METTL26: variants seen among roughly 807,000 people sequenced by gnomAD.
METTL26 encodes the protein methyltransferase-like 26.
Under a neutral mutation model 24.7 loss-of-function variants are expected in METTL26, and 28 were observed. The observed-to-expected ratio is 1.13, with a 90% CI of 0.84 to 1.55. The LOEUF is 1.55. Among genes scored for constraint, METTL26 ranks in the 40% most tolerant of loss-of-function variants. METTL26 has a pLI of 0.00. For synonymous variants in METTL26, 165 were observed against 125.2 expected (o/e 1.32, Z -2.12); for missense variants, 344 against 281.2 (o/e 1.22, Z -1.60).
chr16:635,216 C>T (rs2151089843), intron 3 of METTL26, 65 bp downstream of exon 3: 1 of 1,512,884 alleles, frequency 6.6e-7, no homozygotes, highest in East Asian at 2.4e-5. Context: ...GGAGGACTCT[C>T]AGCAGGGCAG....
chr16:635,251 G>A (rs768415781), intron 3 of METTL26, 30 bp downstream of exon 3: 51 of 1,551,102 alleles, frequency 3.3e-5, no homozygotes, highest in African/African-American at 1.6e-4. Flanking sequence ...GACTGGGAGC[G>A]GGAGGCCCGC....
In METTL26 at chr16:634,925, T is replaced by TG. The variant is rs780007832; in HGVS notation, c.451dup (p.Gln151ProfsTer7). ...CATCAGGTCAAAGTCCACGTTGCTCTGGGGGGAGATCTTCCCATTGATGGC... is the reference window on the plus strand; with the variant it reads ...CATCAGGTCAAAGTCCACGTTGCTCTGGGGGGGAGATCTTCCCATTGATGGC... On this transcript the variant is annotated frameshift_variant, in exon 4 of 6. Transcript: ENST00000301686. LOFTEE classifies it high-confidence loss of function. 108 of 1,606,536 alleles carry TG rather than the reference T, an allele frequency of 6.7e-5. 1 individual carries two copies. Among genetic ancestry groups the TG allele is most frequent in the Non-Finnish European group, 8.0e-5 (94 of 1,177,028 alleles).
chr16:635,877 C>A, intron 1 of METTL26, 103 bp from the exon 2 acceptor site: 1 of 1,423,728 alleles, frequency 7.0e-7, no homozygotes, highest in Non-Finnish European at 9.3e-7. Flanking sequence ...CGTTGAGGAG[C>A]GGAGACCAAA....
rs996042055 is a variant in METTL26, at chr16:636,121, G to A, written c.170C>T (p.Ser57Leu). The change falls in exon 1 of 6, where the codon TCG becomes TTG. Residue 57 changes from serine (S) to leucine (L), a missense_variant. Transcript: ENST00000301686. ...RAFPLAEWQPSDVDQRCLDSI... is the reference protein window; with the variant it reads ...RAFPLAEWQPLDVDQRCLDSI... ...GTCCAGGCAGCGCTGGTCCACGTCCGACGGCTGCCACTCGGCCAGGGGGAA... is the reference window on the plus strand; with the variant it reads ...GTCCAGGCAGCGCTGGTCCACGTCCAACGGCTGCCACTCGGCCAGGGGGAA... The A allele has an allele frequency of 1.8e-5, 25 of 1,415,676 alleles. No individual in the cohort carries two copies. In the Admixed American group the frequency reaches 3.5e-4, roughly 20 times the overall value. 87.7% of individuals were successfully genotyped at this position (1,415,676 alleles called of 1,614,324 possible).
chr16:635,197 G>A, intron 3 of METTL26, 84 bp downstream of exon 3: 1 of 1,494,702 alleles, frequency 6.7e-7, no homozygotes, highest in South Asian at 1.3e-5. Flanking sequence ...GGGGCAGGGA[G>A]CCCAGGAGGG....
Sources: allele counts gnomAD v4.1 joint callset, GRCh38; gene constraint gnomAD v4.1.1; transcripts MANE v1.5; gene names NCBI Gene and HGNC (gene_info 2026-07-23, HGNC 2026-07-21).